The following DST variants were observed in gnomAD, a reference collection of about 807,000 sequenced individuals.
The protein encoded by DST is bullous pemphigoid antigen.
In DST, 253 loss-of-function variants were observed where a neutral mutation model predicts 875.2. That is an observed-to-expected ratio of 0.29 (90% CI 0.26 to 0.32). The LOEUF (loss-of-function observed/expected upper bound fraction) is 0.32, where lower values mean the gene tolerates loss of function less well. Among genes scored for constraint, DST ranks in the 10% least tolerant of loss-of-function variants. The pLI is 1.00. For synonymous variants in DST, 3,124 were observed against 3,197.1 expected (o/e 0.98, Z 0.77); for missense variants, 8,287 against 9,111.6 (o/e 0.91, Z 3.68).
Position 56,603,572 on chromosome 6 carries a change from G to GAA in DST, c.10932_10933insTT (p.Gln3645PhefsTer10). 6.2e-7 allele frequency: 1 copy of GAA among 1,607,606 alleles called. No homozygotes were observed. The highest frequency in any genetic ancestry group is 1.3e-5 in the African/African-American group (1 of 74,636). On this transcript the variant is annotated frameshift_variant, in exon 41 of 104. Coordinates refer to ENST00000680361, the MANE Select transcript of DST (RefSeq NM_001374736.1). LOFTEE classifies it high-confidence loss of function. ...CAGTAGACAATTCTTACCTCCAACT[G>GAA]TCTAAGTTGATTCTTCAAAGCTTCC...
intron 3 of DST, among the ~76,000 whole-genome samples, chr6:56,865,529 G>T (rs1773578512): frequency 6.6e-6 from 1 of 152,052 alleles, no homozygotes; most frequent in Admixed American, 6.6e-5. Flanking sequence ...AGAGATGGGG[G>T]AAGAGTGGCC....
In DST at chr6:56,954,528, G is replaced by C. The variant is rs150003298; in HGVS notation, c.60C>G (p.Phe20Leu). The change falls in exon 1 of 104, where the codon TTC (phenylalanine) becomes TTG (leucine). Residue 20 changes from phenylalanine to leucine, a missense_variant. By Grantham distance (22) the Phe-to-Leu change is conservative (BLOSUM62 0). Transcript: ENST00000680361. ...TGGTGCCCAGCAGAAGCAACAAGAG[G>C]AAGAGGGCACATTGGATGCTGTAGG... ...LRPYSIQCAL[F>L]LLLLLLGTIA... The C allele has an allele frequency of 3.0e-3, 4,060 of 1,367,502 alleles. 40 individuals carry two copies. Among genetic ancestry groups the C allele is most frequent in the South Asian group, 0.019 (1,658 of 88,026 alleles). 84.7% of individuals were successfully genotyped at this position (1,367,502 alleles called of 1,614,324 possible).
intron 69 of DST, among the ~76,000 whole-genome samples, chr6:56,522,484 G>C (rs2096725204): frequency 6.6e-6 from 1 of 152,128 alleles, no homozygotes; most frequent in Non-Finnish European, 1.5e-5. Flanking sequence ...ACTTTCTTTT[G>C]ATTAGCATTT....
chr6:56,819,571 TCTAA>T (rs1186526540), intron 4 of DST, among the ~76,000 whole-genome samples: 12 of 152,224 alleles, frequency 7.9e-5, no homozygotes, highest in Non-Finnish European at 1.8e-4. Flanking sequence ...ACAAAATGTC[TCTAA>T]CTATATAATC....
chr6:56,614,012 G>A (rs951665157), intron 37 of DST, among the ~76,000 whole-genome samples: 1 of 152,092 alleles, frequency 6.6e-6, no homozygotes, highest in African/African-American at 2.4e-5. Context: ...TGGAGTGCAT[G>A]GATCTACTCT....
At chr6:56,641,876 A>C (rs2098908523) in intron 17 of DST, 71 bp downstream of exon 17, 1 of 1,230,498 alleles carries the variant, frequency 8.1e-7, no homozygotes, top group African/African-American at 1.5e-5. Context: ...CATACTCTAC[A>C]TTCCTATTTC....
intron 9 of DST, among the ~76,000 whole-genome samples, chr6:56,681,683 C>T (rs2152843124): frequency 6.6e-6 from 1 of 152,286 alleles, no homozygotes; most frequent in Admixed American, 6.5e-5. Context: ...TCTTATTTGC[C>T]TTAGTGTTAT....
chr6:56,861,590 G>A lies in DST; in HGVS notation c.418-9986C>T, dbSNP rs185680128. ...AACAACTGTGTGGCTCAAAGCCCCC[G>A]TATCTGCACTAAAGGCCCCAGTAGA... On this transcript the variant is annotated intron_variant, in intron 3 of 103. Coordinates refer to ENST00000680361, the MANE Select transcript of DST (RefSeq NM_001374736.1). Among the ~76,000 whole-genome samples the A allele has an allele frequency of 2.2e-3, 342 of 152,248 alleles. 3 individuals are homozygous for A. Among genetic ancestry groups the A allele is most frequent in the Admixed American group, 0.02 (299 of 15,300 alleles).
chr6:56,546,971 CA>C (rs2097240433), intron 61 of DST, among the ~76,000 whole-genome samples: 1 of 152,154 alleles, frequency 6.6e-6, no homozygotes, highest in Non-Finnish European at 1.5e-5. Flanking sequence ...AAAAATCCTA[CA>C]TTATAAAATC....
At chr6:56,784,927 T>C (rs1330092332) in intron 4 of DST, among the ~76,000 whole-genome samples, 10 of 152,184 alleles carry the variant, frequency 6.6e-5, no homozygotes, top group Admixed American at 3.3e-4. Context: ...TTTCTGTTTG[T>C]TAGTTTTCCT....
intron 10 of DST, among the ~76,000 whole-genome samples, chr6:56,667,833 A>G (rs951539947): frequency 6.6e-6 from 1 of 151,974 alleles, no homozygotes; most frequent in Admixed American, 6.6e-5. Flanking sequence ...ATATATACAC[A>G]CACACACACA....
chr6:56,779,502 G>A (rs1348908886), intron 4 of DST, among the ~76,000 whole-genome samples: 1 of 151,936 alleles, frequency 6.6e-6, no homozygotes, highest in Non-Finnish European at 1.5e-5. Flanking sequence ...TTCTTCAAGG[G>A]TTTTTATGGT....
chr6:56,655,737 C>T (rs537652405), intron 10 of DST, among the ~76,000 whole-genome samples: 1 of 152,290 alleles, frequency 6.6e-6, no homozygotes, highest in South Asian at 2.1e-4. Flanking sequence ...GCATACCTCA[C>T]CCCCGTACAT....
rs112973095 is a variant in DST, at chr6:56,720,230, C to T, written c.687+14998G>A. 8.8e-3 allele frequency among the ~76,000 whole-genome samples: 1,343 copies of T among 152,204 alleles called. 23 individuals carry two copies. Among genetic ancestry groups the T allele is most frequent in the African/African-American group, 0.03 (1,253 of 41,522 alleles). ...TTCCTTGCTGAGAAAAAGAATTCAGCGATATTTCTCCCATTTGCTTTTGAA... is the reference window on the plus strand; with the variant it reads ...TTCCTTGCTGAGAAAAAGAATTCAGTGATATTTCTCCCATTTGCTTTTGAA... On this transcript the variant is annotated intron_variant, in intron 5 of 103. Coordinates refer to ENST00000680361, the MANE Select transcript of DST (RefSeq NM_001374736.1).
chr6:56,508,474 G>A (rs1479704622), intron 75 of DST, 55 bp downstream of exon 75: 1 of 1,403,416 alleles, frequency 7.1e-7, no homozygotes, highest in East Asian at 2.3e-5. Context: ...AAGGAATCTG[G>A]ATTTCATTAT....
At chr6:56,476,692 C>G (rs941565287) in intron 91 of DST, among the ~76,000 whole-genome samples, 5 of 152,214 alleles carry the variant, frequency 3.3e-5, no homozygotes, top group Non-Finnish European at 7.3e-5. Flanking sequence ...CGTGGTGGCT[C>G]ACGCCTGTAA....
At chr6:56,642,599 A>G (rs1238532430) in intron 15 of DST, 96 bp from the exon 16 acceptor site, 4 of 1,613,946 alleles carry the variant, frequency 2.5e-6, no homozygotes, top group African/African-American at 2.7e-5. Context: ...GTAAAACACA[A>G]TCCCACACCA....
At chr6:56,834,616 A>C (rs1004858364) in intron 4 of DST, among the ~76,000 whole-genome samples, 4 of 151,978 alleles carry the variant, frequency 2.6e-5, no homozygotes, top group African/African-American at 9.7e-5. Flanking sequence ...AAAGATATTT[A>C]CATGATATGT....
At chr6:56,948,795 G>A (rs942828578) in intron 2 of DST, among the ~76,000 whole-genome samples, 4 of 152,110 alleles carry the variant, frequency 2.6e-5, no homozygotes, top group South Asian at 2.1e-4. Context: ...TGGTATTTAC[G>A]CTAATGATGC....
Sources: allele counts gnomAD v4.1 joint callset (sites outside exome capture counted in the v4.1 genomes callset), GRCh38; gene constraint gnomAD v4.1.1; transcripts MANE v1.5; gene names NCBI Gene and HGNC (gene_info 2026-07-23, HGNC 2026-07-21).